The following CERK variants were observed in gnomAD, a reference collection of about 807,000 sequenced individuals.
CERK encodes the protein acylsphingosine kinase.
CERK carries 39 observed loss-of-function variants against 63.4 expected under a neutral mutation model. That is an observed-to-expected ratio of 0.61 (90% CI 0.48 to 0.80). The LOEUF (loss-of-function observed/expected upper bound fraction) is 0.80. Ranked by LOEUF, CERK falls within the 30% of genes least tolerant of loss-of-function variation. CERK has a pLI of 0.00. For synonymous variants in CERK, 302 were observed against 280.0 expected, an observed-to-expected ratio of 1.08 and a Z score of -0.78; for missense variants, 670 against 714.1, an observed-to-expected ratio of 0.94 and a Z score of 0.70.
chr22:46,725,396 A>G (rs1486283619), intron 1 of CERK, among the ~76,000 whole-genome samples: 1 of 152,122 alleles, frequency 6.6e-6, no homozygotes, highest in Non-Finnish European at 1.5e-5. Context: ...GGGCTGGCAC[A>G]CAGAAGAATG....
chr22:46,726,955 GC>G (rs1275043192), intron 1 of CERK, among the ~76,000 whole-genome samples: 2 of 152,224 alleles, frequency 1.3e-5, no homozygotes, highest in Non-Finnish European at 2.9e-5. Context: ...ATACAGGGAT[GC>G]GCCCAAGTTT....
At chr22:46,717,809 T>C (rs6007956) in intron 3 of CERK, among the ~76,000 whole-genome samples, 25,339 of 152,078 alleles carry the variant, frequency 0.17, 3,255 homozygotes, top group African/African-American at 0.36. Flanking sequence ...ATATGACAAA[T>C]ACTAAAACAG....
rs369379003 is a variant in CERK, at chr22:46,701,630, G to A, written c.790+6C>T. ...CACCGTGCGCATGCGCAGAGGAGGG[G>A]CTCACCAACAACGATATGCAGCGCC... On this transcript the variant is annotated splice_donor_region_variant and intron_variant, in intron 7 of 12. Coordinates refer to ENST00000216264, the MANE Select transcript of CERK (RefSeq NM_022766.6). 108 of 1,554,336 alleles carry A rather than the reference G, an allele frequency of 6.9e-5. No homozygotes were observed. The highest frequency in any genetic ancestry group is 9.1e-5 in the Non-Finnish European group (104 of 1,149,052).
At chr22:46,693,537 T>C (rs760652729) in intron 9 of CERK, 34 bp from the exon 10 acceptor site, 6 of 1,578,742 alleles carry the variant, frequency 3.8e-6, no homozygotes, top group South Asian at 3.3e-5. Flanking sequence ...CTTTTAAATA[T>C]GGAGCTGCAG....
chr22:46,732,308 G>A (rs1047205859), intron 1 of CERK, among the ~76,000 whole-genome samples: 1 of 152,136 alleles, frequency 6.6e-6, no homozygotes, highest in Non-Finnish European at 1.5e-5. Context: ...AAGCCATTAA[G>A]TTGAGATGCA....
At chr22:46,712,972 G>A (rs925041471) in intron 3 of CERK, among the ~76,000 whole-genome samples, 3 of 151,424 alleles carry the variant, frequency 2.0e-5, no homozygotes, top group Middle Eastern at 3.2e-3. Flanking sequence ...AGCCTCCTGA[G>A]TAGCTGGGAC....
At chr22:46,695,675 T>G (rs2082752625) in intron 8 of CERK, among the ~76,000 whole-genome samples, 1 of 152,178 alleles carries the variant, frequency 6.6e-6, no homozygotes, top group Non-Finnish European at 1.5e-5. Context: ...GGTCATCCCC[T>G]CCACCTCTTC....
chr22:46,701,377 C>T (rs771940099), intron 7 of CERK, among the ~76,000 whole-genome samples: 41 of 152,224 alleles, frequency 2.7e-4, no homozygotes, highest in Non-Finnish European at 4.1e-4. Flanking sequence ...GTACGGGCAT[C>T]GCGCATGTGG....
At chr22:46,703,889 T>A (rs2082800351) in intron 6 of CERK, among the ~76,000 whole-genome samples, 1 of 142,768 alleles carries the variant, frequency 7.0e-6, no homozygotes, top group African/African-American at 2.6e-5. Context: ...CTGGCTTCCT[T>A]GTCCCGAACA....
intron 9 of CERK, among the ~76,000 whole-genome samples, chr22:46,694,548 G>A (rs558798783): frequency 6.6e-6 from 1 of 152,056 alleles, no homozygotes; most frequent in East Asian, 1.9e-4. Context: ...CTTTCCCTTT[G>A]CATCCCCTCT....
intron 10 of CERK, among the ~76,000 whole-genome samples, chr22:46,693,193 T>C (rs542719118): frequency 1.3e-5 from 2 of 152,196 alleles, no homozygotes; most frequent in East Asian, 3.9e-4. Context: ...CACAACAGCG[T>C]TTCAGAAAGG....
chr22:46,737,389 C>T (rs933533604), intron 1 of CERK, among the ~76,000 whole-genome samples: 1 of 152,196 alleles, frequency 6.6e-6, no homozygotes, highest in Admixed American at 6.5e-5. Context: ...GGCTATGCGT[C>T]CTCCATGTTT....
At chr22:46,703,917 C>G (rs531511692) in intron 6 of CERK, among the ~76,000 whole-genome samples, 1 of 152,078 alleles carries the variant, frequency 6.6e-6, no homozygotes, top group African/African-American at 2.4e-5. Flanking sequence ...CTCCTCCCAC[C>G]TGCTGCCCTC....
chr22:46,703,840 G>A (rs559858825), intron 6 of CERK, among the ~76,000 whole-genome samples: 109 of 151,534 alleles, frequency 7.2e-4, no homozygotes, highest in African/African-American at 2.4e-3. Flanking sequence ...CATCTCCCTC[G>A]GGCCCTGCCC....
At chr22:46,702,383 C>T (rs997972913) in intron 6 of CERK, among the ~76,000 whole-genome samples, 20 of 151,546 alleles carry the variant, frequency 1.3e-4, no homozygotes, top group African/African-American at 4.6e-4. Flanking sequence ...CAACCTCTGT[C>T]TCCCAGGTTC....
intron 12 of CERK, 86 bp downstream of exon 12, chr22:46,689,906 C>T (rs926683205): frequency 8.6e-6 from 8 of 931,260 alleles, no homozygotes; most frequent in African/African-American, 1.7e-5. Flanking sequence ...CCCCAGGGAA[C>T]CCCCCACCCT....
At chr22:46,728,800 G>C (rs562444784) in intron 1 of CERK, among the ~76,000 whole-genome samples, 1 of 152,240 alleles carries the variant, frequency 6.6e-6, no homozygotes, top group Non-Finnish European at 1.5e-5. Flanking sequence ...CTGGCCTCGG[G>C]GACGTCTGAG....
chr22:46,718,226 G>C (rs1241335664), intron 3 of CERK, among the ~76,000 whole-genome samples: 1 of 151,320 alleles, frequency 6.6e-6, no homozygotes, highest in Non-Finnish European at 1.5e-5. Flanking sequence ...AGATGAAAAT[G>C]AACCCACATT....
intron 1 of CERK, among the ~76,000 whole-genome samples, chr22:46,732,578 GA>G (rs1316697316): frequency 6.1e-5 from 9 of 147,924 alleles, no homozygotes; most frequent in African/African-American, 2.3e-4. Context: ...TGGGTCAAAG[GA>G]TATCACTTTT....
Sources: allele counts gnomAD v4.1 joint callset (sites outside exome capture counted in the v4.1 genomes callset), GRCh38; gene constraint gnomAD v4.1.1; transcripts MANE v1.5; gene names NCBI Gene and HGNC (gene_info 2026-07-23, HGNC 2026-07-21).